The following RAB40B variants were observed in gnomAD, a reference collection of about 807,000 sequenced individuals.
RAB40B encodes ras-related protein Rab-40B.
RAB40B carries 21 observed loss-of-function variants against 24.0 expected under a neutral mutation model. The observed-to-expected ratio is 0.88, with a 90% CI of 0.62 to 1.26. The LOEUF is 1.26. Ranked by LOEUF, RAB40B falls within the 50% of genes most tolerant of loss-of-function variation. The probability of loss-of-function intolerance (pLI) is 0.00; values close to 1 mark genes in which losing one functional copy is unlikely to be tolerated. For synonymous variants in RAB40B, 167 were observed against 169.8 expected (o/e 0.98, Z 0.13); for missense variants, 348 against 390.5 (o/e 0.89, Z 0.92).
chr17:82,662,405 C>T (rs2046185313), intron 2 of RAB40B: 4 of 985,448 alleles, frequency 4.1e-6, no homozygotes, highest in Non-Finnish European at 3.6e-6. Flanking sequence ...TGTCAGAGTG[C>T]CCCATCGTGA....
intron 1 of RAB40B, among the ~76,000 whole-genome samples, chr17:82,677,678 C>T (rs2248124): frequency 0.63 from 95,716 of 152,120 alleles, 30,711 homozygotes; most frequent in Admixed American, 0.75. Flanking sequence ...AGCACCCAAG[C>T]GTTTGGGGTT....
At chr17:82,694,832 A>G (rs1162593731) in intron 1 of RAB40B, among the ~76,000 whole-genome samples, 2 of 151,806 alleles carry the variant, frequency 1.3e-5, no homozygotes, top group Non-Finnish European at 2.9e-5. Flanking sequence ...ATACCCAGCC[A>G]AGATATCTCT....
intron 5 of RAB40B, 164 bp from the exon 6 acceptor site, chr17:82,658,298 A>T: frequency 9.0e-7 from 1 of 1,111,832 alleles, no homozygotes; most frequent in Non-Finnish European, 1.3e-6. Flanking sequence ...CTGCCCACGT[A>T]CAGATCCCAG....
At chr17:82,664,662 GT>G in intron 1 of RAB40B, 106 bp from the exon 2 acceptor site, 1 of 1,121,728 alleles carries the variant, frequency 8.9e-7, no homozygotes, top group Non-Finnish European at 1.3e-6. Flanking sequence ...CAACTTCCAG[GT>G]TTACAAGGCA....
Position 82,657,932 on chromosome 17 carries a change from T to C in RAB40B, c.768A>G (p.Lys256=). The C allele has an allele frequency of 1.2e-6, 2 of 1,614,042 alleles. No individual in the cohort carries two copies. Among genetic ancestry groups the C allele is most frequent in the Non-Finnish European group, 1.7e-6 (2 of 1,180,004 alleles). Residue 256 remains lysine, a synonymous_variant, in exon 6 of 6, where the codon AAA becomes AAG. Coordinates refer to ENST00000571995, the MANE Select transcript of RAB40B (RefSeq NM_006822.3). ...TCTGGGGGGGGCGGACGAGCTTCACTTTGCGGAGGCTGCTCCTTTTGTGGG... is the reference window on the plus strand; with the variant it reads ...TCTGGGGGGGGCGGACGAGCTTCACCTTGCGGAGGCTGCTCCTTTTGTGGG... ...SSTHKRSSLR[K]VKLVRPPQSP... is the part of the protein sequence containing the mutation.
intron 1 of RAB40B, among the ~76,000 whole-genome samples, chr17:82,678,879 G>GTTTTTTTTTTTTTTTTTT (rs35848277): frequency 2.0e-5 from 2 of 99,164 alleles, no homozygotes; most frequent in African/African-American, 7.8e-5. Flanking sequence ...CCCTTTCTGC[G>GTTTTTTTTTTTTTTTTTT]TTTTTTTTTT....
At chr17:82,660,884 C>T (rs79808127) in intron 3 of RAB40B, 103 bp downstream of exon 3, 104,490 of 1,416,064 alleles carry the variant, frequency 0.074, 4,346 homozygotes, top group Middle Eastern at 0.18. Context: ...TAAGCTTAAC[C>T]GCCTTGTCCT....
intron 1 of RAB40B, among the ~76,000 whole-genome samples, chr17:82,676,377 C>T (rs1343927892): frequency 6.7e-6 from 1 of 149,066 alleles, no homozygotes; most frequent in Non-Finnish European, 1.5e-5. Context: ...GGGCACCCCT[C>T]ACCTTCAACA....
At chr17:82,673,083 A>C (rs538585597) in intron 1 of RAB40B, among the ~76,000 whole-genome samples, 1 of 152,254 alleles carries the variant, frequency 6.6e-6, no homozygotes, top group Admixed American at 6.5e-5. Flanking sequence ...GGGCGCCTGT[A>C]GTCCCAGATA....
In RAB40B at chr17:82,686,118, T is replaced by A. The variant is rs866439791; in HGVS notation, c.142+12337A>T. On this transcript the variant is annotated intron_variant, in intron 1 of 5. Coordinates refer to ENST00000571995, the MANE Select transcript of RAB40B (RefSeq NM_006822.3). The stretch of plus-strand genomic sequence containing the variant: ...CACCCAGCCTTCTTTTTTTTTTTTT[T>A]TTTTGAGACAAAGTCTCACTCTGTC... 8.8e-3 allele frequency among the ~76,000 whole-genome samples: 1,309 copies of A among 148,926 alleles called. 19 individuals are homozygous for A. The highest frequency in any genetic ancestry group is 0.031 in the African/African-American group (1,261 of 40,470).
At position 82,692,192 on chromosome 17, in the gene RAB40B, G is replaced by A. The variant is rs1473298576; in HGVS notation, c.142+6263C>T. Among the ~76,000 whole-genome samples the A allele has an allele frequency of 9.4e-5, 10 of 106,212 alleles. No homozygotes were observed. The highest frequency in any genetic ancestry group is 2.9e-4 in the East Asian group (1 of 3,458). 69.7% of individuals were successfully genotyped at this position (106,212 alleles called of 152,430 possible). ...CAGAGCAGTGGGGCCCGCACGGTCCGTGGGCTGAGGTGACAGGCAGAGCAG... is the reference window on the plus strand; with the variant it reads ...CAGAGCAGTGGGGCCCGCACGGTCCATGGGCTGAGGTGACAGGCAGAGCAG... On this transcript the variant is annotated intron_variant, in intron 1 of 5. Coordinates refer to ENST00000571995, the MANE Select transcript of RAB40B (RefSeq NM_006822.3). This position sits in a 1 kb window ranked among gnomAD's most constrained non-coding sequence, Gnocchi z 4.0.
At chr17:82,671,584 AAC>A (rs763068312) in intron 1 of RAB40B, among the ~76,000 whole-genome samples, 3 of 136,314 alleles carry the variant, frequency 2.2e-5, no homozygotes, top group African/African-American at 5.5e-5. Context: ...CTGTAACTCT[AAC>A]ACACACTCAC....
chr17:82,659,306 A>G lies in RAB40B; in HGVS notation c.342+274T>C, dbSNP rs934695372. The stretch of plus-strand genomic sequence containing the variant: ...GCCCGACCACAGCAGGGAGTGAAGC[A>G]GGCCAAACCTGACCCCACGCATAGC... On this transcript the variant is annotated intron_variant, in intron 4 of 5. Transcript: ENST00000571995. The G allele has an allele frequency of 8.7e-6, 4 of 457,220 alleles. No individual in the cohort carries two copies. In the South Asian group the frequency reaches 9.9e-5, roughly 11 times the overall value. 28.3% of individuals were successfully genotyped at this position (457,220 alleles called of 1,614,324 possible).
intron 1 of RAB40B, among the ~76,000 whole-genome samples, chr17:82,677,693 G>C (rs1340902381): frequency 6.6e-6 from 1 of 152,218 alleles, no homozygotes; most frequent in Non-Finnish European, 1.5e-5. Flanking sequence ...GGGGTTTCCA[G>C]GCACAGGTGG....
rs901688716 is a variant in RAB40B, at chr17:82,663,914, C to T, written c.203+582G>A. 2.0e-4 allele frequency among the ~76,000 whole-genome samples: 31 copies of T among 152,258 alleles called. No homozygotes were observed. The highest frequency in any genetic ancestry group is 4.0e-4 in the Non-Finnish European group (27 of 68,004). On this transcript the variant is annotated intron_variant, in intron 2 of 5. Transcript: ENST00000571995. The surrounding 1 kb of genome is among the most constrained non-coding windows in gnomAD (Gnocchi z 6.2). ...GATGACGGGGGCCCAGACAACCGGA[C>T]CACCACCTCCTTCAGAGAAGCCCTG...
rs2046278185 is a variant in RAB40B at position 82,667,905 on chromosome 17, C to T, written c.143-3349G>A. ...CCGAGCCCAGCAGGCACGCTGAGTG[C>T]ACCGTCTGTCTCTCTCTTCTTGGCA... On this transcript the variant is annotated intron_variant, in intron 1 of 5. Coordinates refer to ENST00000571995, the MANE Select transcript of RAB40B (RefSeq NM_006822.3). This position sits in a 1 kb window ranked among gnomAD's most constrained non-coding sequence, Gnocchi z 4.3. Among the ~76,000 whole-genome samples the T allele has an allele frequency of 1.3e-5, 2 of 152,112 alleles. No homozygotes were observed. Among genetic ancestry groups the T allele is most frequent in the Admixed American group, 1.3e-4 (2 of 15,274 alleles).
intron 2 of RAB40B, chr17:82,662,127 A>G: frequency 1.0e-6 from 1 of 985,430 alleles, no homozygotes. Context: ...TGTTTGTGTC[A>G]CATGCACCTG....
At chr17:82,691,660 C>T (rs563002427) in intron 1 of RAB40B, among the ~76,000 whole-genome samples, 21 of 152,182 alleles carry the variant, frequency 1.4e-4, no homozygotes, top group African/African-American at 4.3e-4. Flanking sequence ...CCAGCCTGGG[C>T]GACAGAGCGA....
intron 2 of RAB40B, 165 bp from the exon 3 acceptor site, chr17:82,661,212 T>C: frequency 7.2e-7 from 1 of 1,390,646 alleles, no homozygotes; most frequent in Non-Finnish European, 9.3e-7. Flanking sequence ...CCTGAAGGGA[T>C]CCGGGTGTTG....
Sources: gnomAD v4.1 joint callset for allele counts (sites outside exome capture counted in the v4.1 genomes callset) on GRCh38, gnomAD v4.1.1 for gene constraint, Gnocchi (gnomAD v3.1) non-coding constraint, MANE v1.5 for transcripts, NCBI Gene and HGNC (gene_info 2026-07-23, HGNC 2026-07-21) for gene names.